The following DMD variants were observed in gnomAD, a reference collection of about 807,000 sequenced individuals.
DMD encodes mutant dystrophin.
Under a neutral mutation model 330.1 loss-of-function variants are expected in DMD, and 63 were observed. The observed-to-expected ratio is 0.19, with a 90% CI of 0.16 to 0.24. DMD has a LOEUF of 0.24. Ranked by LOEUF, DMD falls within the 10% of genes least tolerant of loss-of-function variation. The pLI is 1.00. For synonymous variants in DMD, 1,223 were observed against 959.8 expected, an observed-to-expected ratio of 1.27 and a Z score of -5.07; for missense variants, 3,344 against 2,684.1, an observed-to-expected ratio of 1.25 and a Z score of -5.43.
chrX:32,015,671 T>G, intron 44 of DMD, among the ~76,000 whole-genome samples: 1 of 111,888 alleles, frequency 8.9e-6, no homozygotes, highest in South Asian at 3.7e-4. Flanking sequence ...ACTAAACACC[T>G]TATCATAGCA....
chrX:31,964,238 T>A (rs749560677), intron 45 of DMD, among the ~76,000 whole-genome samples: 1 of 111,448 alleles, frequency 9.0e-6, no homozygotes, highest in African/African-American at 3.3e-5. Context: ...AGATGAGACA[T>A]TTTTTGAGGC....
chrX:32,556,144 G>C (rs1045833425), intron 16 of DMD, among the ~76,000 whole-genome samples: 1 of 112,139 alleles, frequency 8.9e-6, no homozygotes, highest in South Asian at 3.7e-4. Context: ...TCATTAAAAA[G>C]TGGGCAAAGC....
intron 51 of DMD, among the ~76,000 whole-genome samples, chrX:31,764,579 T>C (rs1048721984): frequency 5.4e-5 from 6 of 112,130 alleles, no homozygotes; most frequent in African/African-American, 1.9e-4. Context: ...TTCTTAAGTA[T>C]AGAATCAACT....
At chrX:31,304,696 A>G (rs1035680819) in intron 62 of DMD, among the ~76,000 whole-genome samples, 1 of 110,554 alleles carries the variant, frequency 9.0e-6, no homozygotes, top group Non-Finnish European at 1.9e-5. Context: ...AATGTAATGA[A>G]TTCATTAATA....
Position 32,426,616 on chromosome X carries a change from C to T in DMD, c.4071+11625G>A, listed in dbSNP as rs756480270. 4.5e-5 allele frequency among the ~76,000 whole-genome samples: 5 copies of T among 111,345 alleles called. No homozygotes were observed. The South Asian group carries it at 1.9e-3, about 42-fold the overall frequency. On this transcript the variant is annotated intron_variant, in intron 29 of 78. Transcript: ENST00000357033. Reference sequence around the variant, plus strand: ...AGCAACCCCATTACCGGGTGTATAGCCAAAGGAATACAAATTGTTCTACCA... The same window carrying T: ...AGCAACCCCATTACCGGGTGTATAGTCAAAGGAATACAAATTGTTCTACCA...
chrX:31,628,256 T>C (rs989319069), intron 54 of DMD, among the ~76,000 whole-genome samples: 2 of 109,409 alleles, frequency 1.8e-5, no homozygotes, highest in African/African-American at 6.9e-5. Flanking sequence ...TACTGCCAAA[T>C]TTGAGACAAA....
intron 52 of DMD, among the ~76,000 whole-genome samples, chrX:31,725,261 A>C (rs1376082088): frequency 9.0e-6 from 1 of 111,380 alleles, no homozygotes; most frequent in Non-Finnish European, 1.9e-5. Context: ...ATTTATAGAT[A>C]ATAAAAATTT....
intron 7 of DMD, among the ~76,000 whole-genome samples, chrX:32,736,586 A>T (rs1157936435): frequency 9.0e-6 from 1 of 111,178 alleles, no homozygotes; most frequent in Non-Finnish European, 1.9e-5. Flanking sequence ...CTATGCGGCC[A>T]TAAAAAATGA....
chrX:32,800,542 C>T (rs781608033), intron 7 of DMD, among the ~76,000 whole-genome samples: 1 of 111,519 alleles, frequency 9.0e-6, no homozygotes, highest in Admixed American at 9.6e-5. Flanking sequence ...TATTTGCAGC[C>T]ATAAGTAAAC....
intron 2 of DMD, among the ~76,000 whole-genome samples, chrX:32,994,240 G>A (rs769669860): frequency 3.7e-5 from 4 of 109,144 alleles, no homozygotes; most frequent in Admixed American, 9.9e-5. Flanking sequence ...TCTCACTTCC[G>A]CTGTTTCCCG....
intron 3 of DMD, among the ~76,000 whole-genome samples, chrX:32,846,531 G>A (rs1434132605): frequency 9.1e-6 from 1 of 110,212 alleles, no homozygotes; most frequent in African/African-American, 3.3e-5. Flanking sequence ...TAACTTGCCT[G>A]ATATCCTTTA....
At chrX:32,520,687 GCTTT>G (rs2046332189) in intron 17 of DMD, among the ~76,000 whole-genome samples, 1 of 111,365 alleles carries the variant, frequency 9.0e-6, no homozygotes, top group South Asian at 3.8e-4. Context: ...TTTATTGGCT[GCTTT>G]ATTTTTCTTA....
intron 44 of DMD, among the ~76,000 whole-genome samples, chrX:31,973,381 T>G (rs973028992): frequency 9.0e-6 from 1 of 111,078 alleles, no homozygotes. Flanking sequence ...AAATGGCCTT[T>G]TTTTGAGTAA....
intron 62 of DMD, among the ~76,000 whole-genome samples, chrX:31,267,951 T>A (rs2147767575): frequency 8.9e-6 from 1 of 112,643 alleles, no homozygotes; most frequent in Admixed American, 9.3e-5. Context: ...CCATTTATTT[T>A]GTTGGCTTGC....
chrX:32,960,191 A>C (rs955208643), intron 2 of DMD: 5 of 111,691 alleles, frequency 4.5e-5, no homozygotes, highest in Non-Finnish European at 9.4e-5. Flanking sequence ...AGGCAATCGA[A>C]TGACAAATGG....
intron 1 of DMD, among the ~76,000 whole-genome samples, chrX:33,228,799 C>T (rs2052338785): frequency 9.3e-6 from 1 of 108,002 alleles, no homozygotes; most frequent in African/African-American, 3.4e-5. Flanking sequence ...TAACAAACTG[C>T]CAAACTATTT....
chrX:31,706,466 T>C (rs966265765), intron 52 of DMD, among the ~76,000 whole-genome samples: 5 of 111,902 alleles, frequency 4.5e-5, no homozygotes, highest in African/African-American at 1.6e-4. Context: ...GATTTTCTTT[T>C]TTCCAAATCC....
At chrX:31,648,529 C>G (rs751047449) in intron 54 of DMD, among the ~76,000 whole-genome samples, 1 of 94,411 alleles carries the variant, frequency 1.1e-5, no homozygotes, top group South Asian at 5.4e-4. Flanking sequence ...TATAAACACT[C>G]GGTATAAGAC....
intron 55 of DMD, among the ~76,000 whole-genome samples, chrX:31,557,606 C>T (rs763890850): frequency 1.8e-5 from 2 of 112,197 alleles, no homozygotes; most frequent in African/African-American, 6.5e-5. Flanking sequence ...CATTGTTTAA[C>T]ACTTAGCAAG....
Sources: allele counts gnomAD v4.1 joint callset (sites outside exome capture counted in the v4.1 genomes callset), GRCh38; gene constraint gnomAD v4.1.1; transcripts MANE v1.5; gene names NCBI Gene and HGNC (gene_info 2026-07-23, HGNC 2026-07-21).